The following LIMS2 variants were observed in gnomAD, a reference collection of about 807,000 sequenced individuals.
LIMS2 encodes LIM and senescent cell antigen-like-containing domain protein 2.
In LIMS2, 30 loss-of-function variants were observed where a neutral mutation model predicts 45.3. The observed-to-expected ratio is 0.66, with a 90% CI of 0.50 to 0.90. The LOEUF is 0.90. Ranked by LOEUF, LIMS2 falls within the 40% of genes least tolerant of loss-of-function variation. The pLI, the probability that LIMS2 is intolerant of heterozygous loss-of-function variation, is 0.00. For synonymous variants in LIMS2, 173 were observed against 188.0 expected (o/e 0.92, Z 0.65); for missense variants, 485 against 468.7 (o/e 1.03, Z -0.32).
rs1284871540 is a variant in LIMS2 at position 127,667,677 on chromosome 2, T to C, written c.11+7337A>G. Among the ~76,000 whole-genome samples, 1 of 152,220 alleles carries C rather than the reference T, an allele frequency of 6.6e-6. No individual in the cohort carries two copies. Among genetic ancestry groups the C allele is most frequent in the Non-Finnish European group, 1.5e-5 (1 of 68,030 alleles). The stretch of plus-strand genomic sequence containing the variant: ...ATAAAAGCACCCAACAAACTGGGAA[T>C]AGAAGGGAACTTCTTCAATTTGATA... On this transcript the variant is annotated intron_variant, in intron 1 of 9. Transcript: ENST00000355119. The surrounding 1 kb of genome is among the most constrained non-coding windows in gnomAD (Gnocchi z 4.1).
intron 1 of LIMS2, among the ~76,000 whole-genome samples, chr2:127,658,107 C>T (rs1446627153): frequency 2.0e-5 from 3 of 152,294 alleles, no homozygotes; most frequent in South Asian, 2.1e-4. Context: ...TAGCTGGGTG[C>T]GTGTGCAGAA....
Position 127,664,636 on chromosome 2 carries a change from C to A in LIMS2, c.12-7074G>T, listed in dbSNP as rs369929811. 4 of 1,095,806 alleles carry A rather than the reference C, an allele frequency of 3.7e-6. No individual in the cohort carries two copies. Among genetic ancestry groups the A allele is most frequent in the Non-Finnish European group, 4.4e-6 (4 of 901,910 alleles). 67.9% of individuals were successfully genotyped at this position (1,095,806 alleles called of 1,614,324 possible). A position where few individuals can be genotyped will look rare whatever the true frequency, so the allele number is the denominator to read the frequency against. On this transcript the variant is annotated intron_variant, in intron 1 of 9. Coordinates refer to ENST00000355119, the MANE Select transcript of LIMS2 (RefSeq NM_001161403.3). This position sits in a 1 kb window ranked among gnomAD's most constrained non-coding sequence, Gnocchi z 5.5. ...GGCAGCTCCTGAAAGCTGAGGCTGGCGGGGGTTGGGTCCCGCTGGGAGGGG... is the reference window on the plus strand; with the variant it reads ...GGCAGCTCCTGAAAGCTGAGGCTGGAGGGGGTTGGGTCCCGCTGGGAGGGG...
chr2:127,640,216 G>A (rs1455597146), intron 8 of LIMS2, 54 bp downstream of exon 8: 4 of 1,612,310 alleles, frequency 2.5e-6, no homozygotes, highest in South Asian at 2.2e-5. Context: ...CACAGCTGCA[G>A]CACCCAGGCC....
intron 4 of LIMS2, among the ~76,000 whole-genome samples, chr2:127,645,425 G>A (rs573315971): frequency 2.6e-5 from 4 of 152,300 alleles, no homozygotes; most frequent in Admixed American, 6.5e-5. Context: ...TCTCAGAGGC[G>A]GCCGCCGGCA....
intron 1 of LIMS2, among the ~76,000 whole-genome samples, chr2:127,660,516 G>C (rs1684559860): frequency 6.6e-6 from 1 of 152,130 alleles, no homozygotes; most frequent in Non-Finnish European, 1.5e-5. Flanking sequence ...TTCCGGATGT[G>C]CCACCTTTAA....
intron 9 of LIMS2, 51 bp from the exon 10 acceptor site, chr2:127,639,479 C>T: frequency 1.9e-6 from 3 of 1,599,952 alleles, no homozygotes; most frequent in Non-Finnish European, 2.6e-6. Context: ...CCCCTTTAAC[C>T]CCAGACAGGT....
chr2:127,654,776 C>A (rs779979220), intron 3 of LIMS2, 54 bp downstream of exon 3: 1 of 1,587,160 alleles, frequency 6.3e-7, no homozygotes, highest in Admixed American at 1.7e-5. Context: ...CTGCCCCCCG[C>A]CACTGCTGCC....
intron 7 of LIMS2, 145 bp downstream of exon 7, chr2:127,640,751 G>A: frequency 1.4e-6 from 1 of 702,470 alleles, no homozygotes. Flanking sequence ...GAGACCCCAG[G>A]CCAGGAGCCA....
At position 127,675,119 on chromosome 2, in the gene LIMS2, G is replaced by C. The variant is rs867927347; in HGVS notation, c.-95C>G. 3.4e-6 allele frequency: 4 copies of C among 1,167,240 alleles called. No homozygotes were observed. The highest frequency in any genetic ancestry group is 4.3e-5 in the Admixed American group (1 of 23,062). 72.3% of individuals were successfully genotyped at this position (1,167,240 alleles called of 1,614,324 possible). ...GCCGAGCGCCCGCCCGCCAGCCCGGGCCGCGGAGCAGGGAGACGCCCAAAA... is the reference window on the plus strand; with the variant it reads ...GCCGAGCGCCCGCCCGCCAGCCCGGCCCGCGGAGCAGGGAGACGCCCAAAA... On this transcript the variant is annotated 5_prime_UTR_variant, in exon 1 of 10. Coordinates refer to ENST00000355119, the MANE Select transcript of LIMS2 (RefSeq NM_001161403.3).
At chr2:127,643,805 G>A (rs537710608) in intron 4 of LIMS2, among the ~76,000 whole-genome samples, 48 of 152,080 alleles carry the variant, frequency 3.2e-4, no homozygotes, top group Admixed American at 5.2e-4. Context: ...CCTGGCCCCC[G>A]TCTCCACCTG....
rs1684904110 is a variant in LIMS2, at chr2:127,664,612, G to A, written c.12-7050C>T. 1.8e-6 allele frequency: 2 copies of A among 1,114,430 alleles called. No homozygotes were observed. The highest frequency in any genetic ancestry group is 5.0e-5 in the Admixed American group (1 of 19,976). 69.0% of individuals were successfully genotyped at this position (1,114,430 alleles called of 1,614,324 possible). A position where few individuals can be genotyped will look rare whatever the true frequency, so the allele number is the denominator to read the frequency against. ...AAAGGATATTGTTCGCGCCGCGGGGGCAGCTCCTGAAAGCTGAGGCTGGCG... is the reference window on the plus strand; with the variant it reads ...AAAGGATATTGTTCGCGCCGCGGGGACAGCTCCTGAAAGCTGAGGCTGGCG... On this transcript the variant is annotated intron_variant, in intron 1 of 9. Transcript: ENST00000355119. The surrounding 1 kb of genome is among the most constrained non-coding windows in gnomAD (Gnocchi z 5.5).
intron 1 of LIMS2, among the ~76,000 whole-genome samples, chr2:127,658,730 C>T (rs1205412370): frequency 1.3e-5 from 2 of 152,234 alleles, no homozygotes; most frequent in Non-Finnish European, 2.9e-5. Flanking sequence ...GGTTCTGTCT[C>T]AAGTGTCAAC....
intron 1 of LIMS2, among the ~76,000 whole-genome samples, chr2:127,661,563 G>C (rs1023950494): frequency 2.6e-5 from 4 of 152,128 alleles, no homozygotes; most frequent in Non-Finnish European, 4.4e-5. Flanking sequence ...TATCCCCCAG[G>C]AGACACCACT....
At chr2:127,643,094 G>A in intron 4 of LIMS2, 22 bp from the exon 5 acceptor site, 1 of 1,552,248 alleles carries the variant, frequency 6.4e-7, no homozygotes, top group Non-Finnish European at 8.7e-7. Context: ...GGGGGCATTA[G>A]GGGCAGAGCC....
intron 4 of LIMS2, chr2:127,650,512 T>C: frequency 1.7e-6 from 1 of 577,422 alleles, no homozygotes; most frequent in Non-Finnish European, 3.1e-6. Context: ...TGGTTCTGCG[T>C]TTGCCTTGTG....
At chr2:127,650,716 G>A in intron 4 of LIMS2, 1 of 1,600,746 alleles carries the variant, frequency 6.2e-7, no homozygotes, top group Non-Finnish European at 8.5e-7. Flanking sequence ...TTCCCTCCAG[G>A]CTCTGACTCC....
rs2105243642 is a variant in LIMS2 at position 127,647,864 on chromosome 2, T to A, written c.360-4792A>T. 6.6e-6 allele frequency among the ~76,000 whole-genome samples: 1 copy of A among 151,588 alleles called. No homozygotes were observed. ...ACACCCTCAAAGTCATGGGCCCCCCTCCCCTGCCACCGTCCCACCGGTACC... is the reference window on the plus strand; with the variant it reads ...ACACCCTCAAAGTCATGGGCCCCCCACCCCTGCCACCGTCCCACCGGTACC... On this transcript the variant is annotated intron_variant, in intron 4 of 9. Coordinates refer to ENST00000355119, the MANE Select transcript of LIMS2 (RefSeq NM_001161403.3). The surrounding 1 kb of genome is among the most constrained non-coding windows in gnomAD (Gnocchi z 4.3).
chr2:127,679,956 C>CCA (rs1685580943), upstream of LIMS2, among the ~76,000 whole-genome samples: 1 of 152,198 alleles, frequency 6.6e-6, no homozygotes, highest in Non-Finnish European at 1.5e-5. The surrounding 1 kb of genome is among the most constrained non-coding windows in gnomAD (Gnocchi z 5.3). Context: ...AGAATGGCCC[C>CCA]GTGTGATGTG....
At chr2:127,666,065 G>C (rs1257556521) in intron 1 of LIMS2, among the ~76,000 whole-genome samples, 6 of 152,212 alleles carry the variant, frequency 3.9e-5, no homozygotes, top group African/African-American at 1.4e-4. Context: ...CCATTCTGCA[G>C]CCTGTCCTGC....
Sources: allele counts gnomAD v4.1 joint callset (sites outside exome capture counted in the v4.1 genomes callset), GRCh38; gene constraint gnomAD v4.1.1; non-coding constraint Gnocchi (gnomAD v3.1); transcripts MANE v1.5; gene names NCBI Gene and HGNC (gene_info 2026-07-23, HGNC 2026-07-21).